The following SCAMP1 variants were observed in gnomAD, a reference collection of about 807,000 sequenced individuals.
SCAMP1 encodes secretory carrier membrane protein 1.
A neutral mutation model predicts 41.8 loss-of-function variants in SCAMP1; 15 were observed. The ratio of observed to expected loss-of-function variants is 0.36; its 90% CI spans 0.24 to 0.55. The LOEUF is 0.55. Among genes scored for constraint, SCAMP1 ranks in the 20% least tolerant of loss-of-function variants. SCAMP1 has a pLI of 0.86. For synonymous variants in SCAMP1, 135 were observed against 136.8 expected (o/e 0.99, Z 0.09); for missense variants, 341 against 412.6 (o/e 0.83, Z 1.50).
chr5:78,432,654 TTG>T (rs1371782218), intron 6 of SCAMP1, among the ~76,000 whole-genome samples: 1 of 152,012 alleles, frequency 6.6e-6, no homozygotes, highest in Non-Finnish European at 1.5e-5. Flanking sequence ...ATTTCTTGTT[TTG>T]GGGTGTTTGA....
chr5:78,465,985 G>A lies in SCAMP1; in HGVS notation c.852+6623G>A, dbSNP rs545933145. Among the ~76,000 whole-genome samples, 12 of 152,330 alleles carry A rather than the reference G, an allele frequency of 7.9e-5. 1 individual carries two copies. The South Asian group carries it at 8.3e-4, about 11-fold the overall frequency. On this transcript the variant is annotated intron_variant, in intron 8 of 8. Coordinates refer to ENST00000621999, the MANE Select transcript of SCAMP1 (RefSeq NM_004866.6). ...TACATCTACAAGATACCTTCACAGC[G>A]GCACCTAGGTTAGTGTTTGATTGAA...
intron 8 of SCAMP1, among the ~76,000 whole-genome samples, chr5:78,462,883 A>T (rs1753651445): frequency 6.6e-6 from 1 of 152,210 alleles, no homozygotes; most frequent in South Asian, 2.1e-4. Flanking sequence ...TGGGAATAAC[A>T]CCTATGTTTT....
At position 78,459,351 on chromosome 5, in the gene SCAMP1, A is replaced by T. The variant is rs1358821363; in HGVS notation, c.841A>T (p.Met281Leu). The T allele has an allele frequency of 6.6e-7, 1 of 1,514,004 alleles. No homozygotes were observed. The highest frequency in any genetic ancestry group is 9.1e-7 in the Non-Finnish European group (1 of 1,095,262). The allele number at this position is 1,514,004 out of a possible 1,614,324, so 93.8% of individuals were successfully genotyped here. ...FTASAVISLV[M>L]FKKVHGLYRT... ...AGCATCAGCAGTCATCTCACTAGTT[A>T]TGTTCAAAAAAGTAAGTGAAATTTT... The change falls in exon 8 of 9, where the codon ATG becomes TTG. Residue 281 changes from methionine (M) to leucine (L), a missense_variant. Physicochemically the swap from Met to Leu is conservative, Grantham distance 15 (BLOSUM62 2). Coordinates refer to ENST00000621999, the MANE Select transcript of SCAMP1 (RefSeq NM_004866.6).
intron 6 of SCAMP1, among the ~76,000 whole-genome samples, chr5:78,442,006 G>A (rs1451350713): frequency 6.6e-6 from 1 of 152,114 alleles, no homozygotes; most frequent in African/African-American, 2.4e-5. Context: ...GCATGTGCCT[G>A]TAGTCCCAGC....
intron 1 of SCAMP1, among the ~76,000 whole-genome samples, chr5:78,385,627 G>A (rs183317543): frequency 3.9e-5 from 6 of 152,052 alleles, no homozygotes; most frequent in Non-Finnish European, 8.8e-5. Context: ...ATTTCCCAGC[G>A]GTTTTGATAG....
chr5:78,378,417 G>A (rs1218439666), intron 1 of SCAMP1, among the ~76,000 whole-genome samples: 2 of 152,202 alleles, frequency 1.3e-5, no homozygotes, highest in African/African-American at 4.8e-5. Flanking sequence ...CAGGTTATGT[G>A]TGGCAGTGAT....
intron 8 of SCAMP1, among the ~76,000 whole-genome samples, chr5:78,469,424 G>A (rs1452957075): frequency 1.3e-5 from 2 of 151,156 alleles, no homozygotes; most frequent in Non-Finnish European, 2.9e-5. Context: ...TGGCACTCTT[G>A]AGCAGATTGT....
At chr5:78,433,262 C>T (rs1337319242) in intron 6 of SCAMP1, among the ~76,000 whole-genome samples, 3 of 152,172 alleles carry the variant, frequency 2.0e-5, no homozygotes, top group African/African-American at 7.2e-5. Context: ...ACATACTTGA[C>T]AGTGTGTCTT....
chr5:78,448,554 T>C (rs1021186237), intron 6 of SCAMP1, among the ~76,000 whole-genome samples: 2 of 152,194 alleles, frequency 1.3e-5, no homozygotes, highest in African/African-American at 4.8e-5. Context: ...AAAAAGATGC[T>C]CAACAACATT....
chr5:78,413,421 C>CT (rs10661289), intron 2 of SCAMP1, among the ~76,000 whole-genome samples: 48,326 of 139,732 alleles, frequency 0.35, 9,571 homozygotes, highest in East Asian at 0.53. Flanking sequence ...TAGTTCCTGC[C>CT]TTTTTTTTTT....
intron 8 of SCAMP1, among the ~76,000 whole-genome samples, chr5:78,464,949 A>G (rs927961698): frequency 3.9e-5 from 6 of 152,202 alleles, no homozygotes; most frequent in African/African-American, 9.7e-5. Context: ...GGTTTCTTCA[A>G]ATACATCATG....
chr5:78,452,702 C>G (rs1038385121), intron 7 of SCAMP1, among the ~76,000 whole-genome samples: 1 of 151,400 alleles, frequency 6.6e-6, no homozygotes, highest in Non-Finnish European at 1.5e-5. Context: ...GGGTATATAC[C>G]AGTAATGGGA....
intron 6 of SCAMP1, among the ~76,000 whole-genome samples, chr5:78,443,653 CTTTTTTT>C (rs71613955): frequency 8.3e-5 from 6 of 71,966 alleles, no homozygotes; most frequent in Non-Finnish European, 1.2e-4. Context: ...AGTGGTTTTG[CTTTTTTT>C]TTTTTTTTTT....
chr5:78,380,608 A>G (rs768158467), intron 1 of SCAMP1, among the ~76,000 whole-genome samples: 9 of 152,110 alleles, frequency 5.9e-5, no homozygotes, highest in Admixed American at 2.0e-4. Context: ...TTCAAGAAGT[A>G]TTTATTGGTT....
chr5:78,422,555 A>T (rs948303801), intron 6 of SCAMP1, among the ~76,000 whole-genome samples: 1 of 151,448 alleles, frequency 6.6e-6, no homozygotes, highest in Non-Finnish European at 1.5e-5. Context: ...TGGGATATTA[A>T]TAGGTGCTGG....
At chr5:78,372,185 C>T (rs1750958781) in intron 1 of SCAMP1, among the ~76,000 whole-genome samples, 1 of 152,114 alleles carries the variant, frequency 6.6e-6, no homozygotes, top group African/African-American at 2.4e-5. Context: ...TGTGGAAATC[C>T]TCTAATGGTG....
Position 78,477,722 on chromosome 5 carries a change from G to GA in SCAMP1, c.*2058dup, listed in dbSNP as rs1463071331. ...ACATATCTTTTTTTGTGTGGATGGG[G>GA]AAAATGTTTTAAAATCCAGTTATTT... On this transcript the variant is annotated 3_prime_UTR_variant, in exon 9 of 9. Transcript: ENST00000621999. The GA allele has an allele frequency of 2.0e-5, 3 of 152,130 alleles. No individual in the cohort carries two copies. Among genetic ancestry groups the GA allele is most frequent in the African/African-American group, 7.2e-5 (3 of 41,444 alleles). The allele number at this position is 152,130 out of a possible 1,614,324, so 9.4% of individuals were successfully genotyped here. A position where few individuals can be genotyped will look rare whatever the true frequency, so the allele number is the denominator to read the frequency against.
chr5:78,390,217 A>G (rs2112087793), intron 2 of SCAMP1, among the ~76,000 whole-genome samples: 1 of 152,374 alleles, frequency 6.6e-6, no homozygotes, highest in East Asian at 1.9e-4. Context: ...AACCCCACAC[A>G]TTTGGTATCA....
At chr5:78,435,737 AG>A (rs1447060025) in intron 6 of SCAMP1, among the ~76,000 whole-genome samples, 29 of 152,306 alleles carry the variant, frequency 1.9e-4, no homozygotes, top group African/African-American at 6.7e-4. Context: ...TTGGGTATAT[AG>A]CCAGTAATGG....
Sources: gnomAD v4.1 joint callset for allele counts (sites outside exome capture counted in the v4.1 genomes callset) on GRCh38, gnomAD v4.1.1 for gene constraint, MANE v1.5 for transcripts, NCBI Gene and HGNC (gene_info 2026-07-23, HGNC 2026-07-21) for gene names.